EXOC3L2: variants seen among roughly 807,000 people sequenced by gnomAD.
EXOC3L2 encodes exocyst complex component 3 like 2.
EXOC3L2 carries 17 observed loss-of-function variants against 44.4 expected under a neutral mutation model. The ratio of observed to expected loss-of-function variants is 0.38; its 90% CI spans 0.26 to 0.57. EXOC3L2 has a LOEUF of 0.57. Among genes scored for constraint, EXOC3L2 ranks in the 20% least tolerant of loss-of-function variants. The pLI, the probability that EXOC3L2 is intolerant of heterozygous loss-of-function variation, is 0.65. For missense variants in EXOC3L2, 541 were observed against 588.4 expected, an observed-to-expected ratio of 0.92 and a Z score of 0.83; for synonymous variants, 256 against 253.7, an observed-to-expected ratio of 1.01 and a Z score of -0.09.
chr19:45,215,724 T>A (rs997398992), intron 11 of EXOC3L2, among the ~76,000 whole-genome samples: 3 of 152,154 alleles, frequency 2.0e-5, no homozygotes, highest in Non-Finnish European at 2.9e-5. Context: ...CGCCTGCCGC[T>A]GTCCCAGTGC....
At chr19:45,225,282 T>A (rs1969945936) in intron 7 of EXOC3L2, among the ~76,000 whole-genome samples, 1 of 151,628 alleles carries the variant, frequency 6.6e-6, no homozygotes, top group Non-Finnish European at 1.5e-5. Flanking sequence ...CTTTTTTTTT[T>A]TTTTGAGACG....
chr19:45,217,166 C>T (rs983892187), intron 10 of EXOC3L2, among the ~76,000 whole-genome samples: 10 of 152,062 alleles, frequency 6.6e-5, no homozygotes, highest in Admixed American at 6.6e-4. Context: ...GGATTACAGG[C>T]GTGAGCCACC....
chr19:45,241,178 G>A (rs551741902), intron 1 of EXOC3L2, among the ~76,000 whole-genome samples: 27 of 152,170 alleles, frequency 1.8e-4, no homozygotes, highest in Middle Eastern at 3.4e-3. Flanking sequence ...CCTCCAGTCC[G>A]CCTTTGAGGA....
intron 4 of EXOC3L2, among the ~76,000 whole-genome samples, chr19:45,228,759 G>A (rs1969994848): frequency 6.6e-6 from 1 of 151,942 alleles, no homozygotes; most frequent in Non-Finnish European, 1.5e-5. Context: ...GCAACAGGGT[G>A]AGACTCCAAC....
chr19:45,229,249 TACATATA>T (rs1970001893), intron 4 of EXOC3L2, among the ~76,000 whole-genome samples: 1 of 122,138 alleles, frequency 8.2e-6, no homozygotes, highest in African/African-American at 3.4e-5. Flanking sequence ...ATTAAATATA[TACATATA>T]TTTATGTATT....
intron 1 of EXOC3L2, among the ~76,000 whole-genome samples, chr19:45,242,994 T>C (rs1373309421): frequency 6.6e-6 from 1 of 152,140 alleles, no homozygotes; most frequent in Non-Finnish European, 1.5e-5. Flanking sequence ...CCCGTCCAAG[T>C]AGATTTTTAT....
chr19:45,231,241 C>T (rs923063191), intron 4 of EXOC3L2, among the ~76,000 whole-genome samples: 4 of 152,046 alleles, frequency 2.6e-5, no homozygotes, highest in Admixed American at 1.3e-4. Flanking sequence ...TAGCCGGGGA[C>T]GGCGTGCATG....
chr19:45,221,202 T>G (rs202187051), intron 8 of EXOC3L2, among the ~76,000 whole-genome samples: 5 of 119,288 alleles, frequency 4.2e-5, no homozygotes, highest in African/African-American at 1.4e-4. Context: ...TCTTTTTTGT[T>G]TTTTTGTGGT....
At chr19:45,229,437 TTAA>T (rs929637396) in intron 4 of EXOC3L2, among the ~76,000 whole-genome samples, 109 of 146,854 alleles carry the variant, frequency 7.4e-4, no homozygotes, top group Admixed American at 2.0e-3. Context: ...TATTTATATA[TTAA>T]TAATTAGTAT....
intron 1 of EXOC3L2, 107 bp from the exon 2 acceptor site, chr19:45,239,168 C>A (rs1232472195): frequency 5.1e-6 from 2 of 392,906 alleles, no homozygotes; most frequent in Non-Finnish European, 8.9e-6. Flanking sequence ...AGACACTTGC[C>A]TGAGCACTTA....
intron 1 of EXOC3L2, among the ~76,000 whole-genome samples, chr19:45,241,489 A>G (rs2122995907): frequency 6.6e-6 from 1 of 151,620 alleles, no homozygotes; most frequent in African/African-American, 2.4e-5. Flanking sequence ...AAAAAAAAAA[A>G]AAAAAAAGAA....
rs758971752 is a variant in EXOC3L2, at chr19:45,217,577, C to A, written c.1949G>T (p.Gly650Val). Residue 650 changes from glycine to valine, a missense_variant, in exon 10 of 12, where the codon GGC becomes GTC. Coordinates refer to ENST00000413988, the MANE Select transcript of EXOC3L2 (RefSeq NM_001382422.1). Reference sequence around the variant, plus strand: ...TTGCGCCGCGTCCTCCCGGAGCCTGCCGGCCACGCGGCTGCGGGTCCGCGC... The same window carrying A: ...TTGCGCCGCGTCCTCCCGGAGCCTGACGGCCACGCGGCTGCGGGTCCGCGC... ...SSARTRSRVAGRLREDAAQLQ... is the reference protein window; with the variant it reads ...SSARTRSRVAVRLREDAAQLQ... 6.4e-7 allele frequency: 1 copy of A among 1,551,170 alleles called. No homozygotes were observed.
At chr19:45,213,708 G>A (rs1357764059) in intron 11 of EXOC3L2, among the ~76,000 whole-genome samples, 2 of 152,004 alleles carry the variant, frequency 1.3e-5, no homozygotes, top group Admixed American at 6.6e-5. Flanking sequence ...ACTTTGGGGG[G>A]CCAAGGCAGG....
At chr19:45,231,632 G>T in intron 4 of EXOC3L2, 131 bp downstream of exon 4, 1 of 732,292 alleles carries the variant, frequency 1.4e-6, no homozygotes, top group Non-Finnish European at 2.2e-6. Flanking sequence ...CACATGGATA[G>T]AACTCAGAAG....
chr19:45,215,714 C>A (rs1422078510), intron 11 of EXOC3L2, among the ~76,000 whole-genome samples: 2 of 152,144 alleles, frequency 1.3e-5, no homozygotes, highest in Non-Finnish European at 2.9e-5. Flanking sequence ...ATGCCGCCTG[C>A]GCCTGCCGCT....
intron 8 of EXOC3L2, among the ~76,000 whole-genome samples, chr19:45,224,313 G>A (rs143150894): frequency 6.0e-4 from 91 of 152,194 alleles, no homozygotes; most frequent in Non-Finnish European, 1.0e-3. Context: ...GGAGGATTCT[G>A]AGCAGAGAGA....
rs749366737 is a variant in EXOC3L2, at chr19:45,218,248, C to A, written c.1791G>T (p.Thr597=). 10 of 1,606,390 alleles carry A rather than the reference C, an allele frequency of 6.2e-6. No individual in the cohort carries two copies. Among genetic ancestry groups the A allele is most frequent in the Non-Finnish European group, 7.6e-6 (9 of 1,177,628 alleles). Residue 597 remains threonine (T), a synonymous_variant, in exon 9 of 12, where the codon ACG becomes ACT. Transcript: ENST00000413988. The part of the protein sequence containing the change: ...SPEALDGIVG[T]LGAQALALRR... ...GCAGGGCCAGGGCCTGGGCACCCAG[C>A]GTGCCCACGATGCCATCCAGGGCCT...
chr19:45,237,566 C>A (rs1253226403), intron 2 of EXOC3L2, among the ~76,000 whole-genome samples: 2 of 152,044 alleles, frequency 1.3e-5, no homozygotes, highest in African/African-American at 4.8e-5. Flanking sequence ...ACGGATGTGT[C>A]TCAGATAGAG....
chr19:45,242,820 C>T (rs1970140681), intron 1 of EXOC3L2, among the ~76,000 whole-genome samples: 1 of 149,038 alleles, frequency 6.7e-6, no homozygotes, highest in African/African-American at 2.5e-5. Context: ...CCAGACTGTG[C>T]CACTGCACTC....
Sources: gnomAD v4.1 joint callset for allele counts (sites outside exome capture counted in the v4.1 genomes callset) on GRCh38, gnomAD v4.1.1 for gene constraint, MANE v1.5 for transcripts, NCBI Gene and HGNC (gene_info 2026-07-23, HGNC 2026-07-21) for gene names.